DLG2: variants seen among roughly 807,000 people sequenced by gnomAD.
DLG2 encodes the protein discs large MAGUK scaffold protein 2.
DLG2 carries 45 observed loss-of-function variants against 132.5 expected under a neutral mutation model. The observed-to-expected ratio is 0.34, with a 90% CI of 0.27 to 0.44. The LOEUF (loss-of-function observed/expected upper bound fraction) is 0.44. DLG2 is among the 20% of genes least tolerant of loss of function. The probability of loss-of-function intolerance (pLI) is 1.00; values close to 1 mark genes in which losing one functional copy is unlikely to be tolerated. For missense variants in DLG2, 1,045 were observed against 1,196.9 expected (o/e 0.87, Z 1.87); for synonymous variants, 424 against 419.6 (o/e 1.01, Z -0.13).
At position 85,296,876 on chromosome 11, in the gene DLG2, G is replaced by A. The variant is rs990178836; in HGVS notation, c.41-11511C>T. Reference sequence around the variant, plus strand: ...AATAAAATTTTATTATAATTATGATGTAATTTTATTATATATAATTATATT... The same window carrying A: ...AATAAAATTTTATTATAATTATGATATAATTTTATTATATATAATTATATT... On this transcript the variant is annotated intron_variant, in intron 3 of 27. Transcript: ENST00000376104. Among the ~76,000 whole-genome samples the A allele has an allele frequency of 7.4e-5, 11 of 149,526 alleles. No homozygotes were observed. In the Admixed American group the frequency reaches 7.4e-4, roughly 10 times the overall value.
intron 17 of DLG2, among the ~76,000 whole-genome samples, chr11:83,828,576 A>G (rs1409106224): frequency 6.6e-6 from 1 of 152,190 alleles, no homozygotes; most frequent in South Asian, 2.1e-4. Context: ...AGCCTGTACA[A>G]ATGAACCTAT....
chr11:84,514,175 C>T (rs1052971338), intron 7 of DLG2, among the ~76,000 whole-genome samples: 2 of 151,858 alleles, frequency 1.3e-5, no homozygotes, highest in Non-Finnish European at 2.9e-5. Context: ...GGCTTTTATC[C>T]AAAAGTCAGG....
At chr11:83,947,956 A>G (rs544030561) in intron 14 of DLG2, among the ~76,000 whole-genome samples, 2 of 152,314 alleles carry the variant, frequency 1.3e-5, no homozygotes, top group South Asian at 4.1e-4. Flanking sequence ...TCCATTTTGT[A>G]TAAAGTCATA....
chr11:84,714,553 C>CTCTCTGTCTCTTTCTCTT lies in DLG2; in HGVS notation c.358-179823_358-179822insAAGAGAAAGAGACAGAGA, dbSNP rs1391760351. 5.5e-5 allele frequency among the ~76,000 whole-genome samples: 6 copies of CTCTCTGTCTCTTTCTCTT among 109,198 alleles called. 1 individual carries two copies. Among genetic ancestry groups the CTCTCTGTCTCTTTCTCTT allele is most frequent in the African/African-American group, 1.0e-4 (2 of 19,322 alleles). The allele number at this position is 109,198 out of a possible 152,430, so 71.6% of individuals were successfully genotyped here. On this transcript the variant is annotated intron_variant, in intron 6 of 27. Coordinates refer to ENST00000376104, the MANE Select transcript of DLG2 (RefSeq NM_001142699.3). ...TCTTTCTCTTTCTCTTTCTCTTTCT[C>CTCTCTGTCTCTTTCTCTT]TCTCTTTCTCTTTCTCTTTCTCTTT...
At chr11:83,523,577 A>G (rs1237495506) in intron 21 of DLG2, among the ~76,000 whole-genome samples, 1 of 152,178 alleles carries the variant, frequency 6.6e-6, no homozygotes, top group Non-Finnish European at 1.5e-5. Context: ...CAGTTTTCTC[A>G]TCTGCAAAAC....
intron 7 of DLG2, among the ~76,000 whole-genome samples, chr11:84,324,771 TTTTG>T (rs2098422317): frequency 2.6e-5 from 4 of 152,172 alleles, no homozygotes; most frequent in African/African-American, 9.6e-5. Flanking sequence ...ATTTTATTCT[TTTTG>T]ATAGTATTGT....
rs560948219 is a variant in DLG2 at position 84,734,523 on chromosome 11, T to G, written c.358-199792A>C. Reference sequence around the variant, plus strand: ...ACTTTGCTGAAGTTGCTTATCAGCTTAAGGAGATTTTGGGCTGAGACGATG... The same window carrying G: ...ACTTTGCTGAAGTTGCTTATCAGCTGAAGGAGATTTTGGGCTGAGACGATG... On this transcript the variant is annotated intron_variant, in intron 6 of 27. Transcript: ENST00000376104. 3.5e-4 allele frequency among the ~76,000 whole-genome samples: 53 copies of G among 152,298 alleles called. No individual in the cohort carries two copies. The South Asian group carries it at 4.4e-3, about 13-fold the overall frequency.
At chr11:84,142,117 C>G (rs1190316357) in intron 9 of DLG2, among the ~76,000 whole-genome samples, 1 of 151,924 alleles carries the variant, frequency 6.6e-6, no homozygotes, top group Non-Finnish European at 1.5e-5. Context: ...TCCTGGCCAA[C>G]ACGGTGAAAC....
intron 6 of DLG2, among the ~76,000 whole-genome samples, chr11:85,025,925 T>A (rs1194729191): frequency 6.6e-6 from 1 of 151,910 alleles, no homozygotes; most frequent in Non-Finnish European, 1.5e-5. Context: ...TATCTATTTG[T>A]TAGTACATAA....
chr11:84,064,620 A>G (rs114119300), intron 10 of DLG2, among the ~76,000 whole-genome samples: 4 of 152,326 alleles, frequency 2.6e-5, no homozygotes, highest in Non-Finnish European at 4.4e-5. Flanking sequence ...CCTGAAAAAC[A>G]GTAAGCATCA....
intron 8 of DLG2, among the ~76,000 whole-genome samples, chr11:84,209,263 C>A (rs2096718998): frequency 6.6e-6 from 1 of 152,152 alleles, no homozygotes; most frequent in Non-Finnish European, 1.5e-5. Flanking sequence ...AGATTAGGCA[C>A]ATTTCACAGG....
rs975867558 is a variant in DLG2, at chr11:83,845,841, G to C, written c.1566-12071C>G. Among the ~76,000 whole-genome samples, 5 of 139,520 alleles carry C rather than the reference G, an allele frequency of 3.6e-5. 1 individual carries two copies. The highest frequency in any genetic ancestry group is 2.2e-4 in the Admixed American group (3 of 13,768). The allele number at this position is 139,520 out of a possible 152,430, so 91.5% of individuals were successfully genotyped here. On this transcript the variant is annotated intron_variant, in intron 16 of 27. Transcript: ENST00000376104. The stretch of plus-strand genomic sequence containing the variant: ...CCTTGGTGTAGTTTCTTGAGGTCTT[G>C]CTTTTTTGGCTATAAATTGTGAACA...
intron 18 of DLG2, among the ~76,000 whole-genome samples, chr11:83,719,046 T>C (rs2087602872): frequency 6.6e-6 from 1 of 152,194 alleles, no homozygotes; most frequent in Admixed American, 6.5e-5. Flanking sequence ...TCAGACCTAC[T>C]GAGTGAGAAT....
chr11:84,473,858 T>C lies in DLG2; in HGVS notation c.519+60712A>G, dbSNP rs567460417. 6.1e-4 allele frequency among the ~76,000 whole-genome samples: 93 copies of C among 152,220 alleles called. 1 individual carries two copies. Among genetic ancestry groups the C allele is most frequent in the South Asian group, 4.6e-3 (22 of 4,832 alleles). On this transcript the variant is annotated intron_variant, in intron 7 of 27. Coordinates refer to ENST00000376104, the MANE Select transcript of DLG2 (RefSeq NM_001142699.3). ...TTATTCTAAGCATCCTCAATATTTA[T>C]GCCTTAAAAGCAATTATTTCTCCAA...
At chr11:83,753,866 C>CATATATATTTCAT (rs56158440) in intron 18 of DLG2, among the ~76,000 whole-genome samples, 1 of 29,072 alleles carries the variant, frequency 3.4e-5, no homozygotes, top group Admixed American at 3.3e-4. Context: ...ATATATATTT[C>CATATATATTTCAT]ATATATATGA....
At chr11:83,833,374 G>T (rs2055145271) in intron 17 of DLG2, among the ~76,000 whole-genome samples, 1 of 152,146 alleles carries the variant, frequency 6.6e-6, no homozygotes, top group African/African-American at 2.4e-5. Context: ...GGAGGCAGAG[G>T]TTGCAGTGAG....
chr11:84,029,384 T>C (rs1304920366), intron 11 of DLG2, among the ~76,000 whole-genome samples: 1 of 152,014 alleles, frequency 6.6e-6, no homozygotes, highest in African/African-American at 2.4e-5. Flanking sequence ...ATCATCCACA[T>C]TTCCTTGTCC....
At chr11:85,002,431 A>G (rs1157779042) in intron 6 of DLG2, among the ~76,000 whole-genome samples, 1 of 152,182 alleles carries the variant, frequency 6.6e-6, no homozygotes, top group Non-Finnish European at 1.5e-5. Flanking sequence ...ATGATATGCT[A>G]GTCTAGTGTT....
At chr11:85,574,381 T>C (rs2078028212) in intron 3 of DLG2, among the ~76,000 whole-genome samples, 1 of 148,994 alleles carries the variant, frequency 6.7e-6, no homozygotes, top group Non-Finnish European at 1.5e-5. Context: ...CCTACACTTC[T>C]CCATCTCTGA....
Sources: allele counts gnomAD v4.1 joint callset (sites outside exome capture counted in the v4.1 genomes callset), GRCh38; gene constraint gnomAD v4.1.1; transcripts MANE v1.5; gene names NCBI Gene and HGNC (gene_info 2026-07-23, HGNC 2026-07-21).